Variants in CASK observed in about 807,000 individuals in gnomAD.
CASK encodes peripheral plasma membrane protein CASK.
Under a neutral mutation model 82.9 loss-of-function variants are expected in CASK, and 4 were observed. The observed-to-expected ratio is 0.05, with a 90% CI of 0.02 to 0.11. The LOEUF (loss-of-function observed/expected upper bound fraction) is 0.11. Among genes scored for constraint, CASK ranks in the 10% least tolerant of loss-of-function variants. The pLI, the probability that CASK is intolerant of heterozygous loss-of-function variation, is 1.00. For missense variants in CASK, 358 were observed against 720.9 expected (o/e 0.50, Z 5.76); for synonymous variants, 259 against 253.5 (o/e 1.02, Z -0.20).
intron 12 of CASK, among the ~76,000 whole-genome samples, chrX:41,603,516 A>G (rs961900228): frequency 6.2e-5 from 7 of 112,572 alleles, no homozygotes; most frequent in Non-Finnish European, 1.3e-4. Flanking sequence ...TCCAAGTATC[A>G]GTTAATTGCT....
chrX:41,620,040 C>T (rs1390556384), intron 11 of CASK, among the ~76,000 whole-genome samples: 2 of 112,502 alleles, frequency 1.8e-5, no homozygotes, highest in African/African-American at 6.4e-5. Context: ...ATGAAATACA[C>T]AAATCTTAAG....
intron 6 of CASK, chrX:41,665,725 T>C (rs1348047784): frequency 2.7e-6 from 1 of 365,386 alleles, no homozygotes; most frequent in African/African-American, 2.6e-5. Context: ...TAGGTATTTA[T>C]GTGGTTCTTA....
chrX:41,588,754 A>C (rs1316535240), intron 13 of CASK, among the ~76,000 whole-genome samples: 1 of 110,703 alleles, frequency 9.0e-6, no homozygotes, highest in Non-Finnish European at 1.9e-5. Flanking sequence ...AAAAAAAAAA[A>C]AACCCATGTG....
chrX:41,657,312 C>T (rs1179580268), intron 8 of CASK, among the ~76,000 whole-genome samples: 1 of 112,051 alleles, frequency 8.9e-6, no homozygotes, highest in East Asian at 2.8e-4. Flanking sequence ...TTTCTTAGCT[C>T]AATTATATCA....
chrX:41,838,544 T>TC (rs1406479054), intron 2 of CASK, among the ~76,000 whole-genome samples: 2 of 111,328 alleles, frequency 1.8e-5, no homozygotes, highest in African/African-American at 6.5e-5. Context: ...TCACCTGAGG[T>TC]CAGGAGTTTG....
At chrX:41,918,945 T>G (rs1378048897) in intron 1 of CASK, among the ~76,000 whole-genome samples, 1 of 112,321 alleles carries the variant, frequency 8.9e-6, no homozygotes, top group Non-Finnish European at 1.9e-5. Flanking sequence ...CGTTGATCTT[T>G]TTTAAAAGCT....
chrX:41,781,335 A>C (rs1353861471), intron 3 of CASK, among the ~76,000 whole-genome samples: 2 of 112,545 alleles, frequency 1.8e-5, no homozygotes, highest in Non-Finnish European at 3.8e-5. Context: ...AGTGTTGGTT[A>C]TACATAGTCT....
At chrX:41,560,295 G>A (rs922906572) in intron 17 of CASK, among the ~76,000 whole-genome samples, 1 of 109,918 alleles carries the variant, frequency 9.1e-6, no homozygotes, top group Non-Finnish European at 1.9e-5. Flanking sequence ...ACAGAGTCTC[G>A]CTCTGTCATC....
intron 24 of CASK, among the ~76,000 whole-genome samples, chrX:41,533,706 C>T (rs2064837190): frequency 8.9e-6 from 1 of 112,264 alleles, no homozygotes; most frequent in Non-Finnish European, 1.9e-5. Flanking sequence ...GTTGCCCAGG[C>T]TGGAGTGCAA....
intron 5 of CASK, among the ~76,000 whole-genome samples, chrX:41,719,501 T>C (rs2068124568): frequency 8.9e-6 from 1 of 112,172 alleles, no homozygotes; most frequent in African/African-American, 3.2e-5. Context: ...CTTAAAAGCG[T>C]TTGAAATGCT....
intron 14 of CASK, among the ~76,000 whole-genome samples, chrX:41,582,235 C>T (rs191178796): frequency 4.5e-5 from 5 of 112,234 alleles, no homozygotes; most frequent in Non-Finnish European, 7.5e-5. Flanking sequence ...TTCCTGCGTG[C>T]CATCACTTAG....
intron 1 of CASK, among the ~76,000 whole-genome samples, chrX:41,879,563 T>A (rs756146048): frequency 2.7e-5 from 3 of 111,656 alleles, no homozygotes; most frequent in Non-Finnish European, 5.7e-5. Flanking sequence ...AAACCTTGGA[T>A]AAGTGGGGAC....
At chrX:41,766,402 C>G (rs190770706) in intron 3 of CASK, among the ~76,000 whole-genome samples, 39 of 112,218 alleles carry the variant, frequency 3.5e-4, no homozygotes, top group African/African-American at 1.2e-3. Context: ...TATGTAATTT[C>G]TTTCTCACTT....
chrX:41,811,035 C>T (rs1385627874), intron 2 of CASK, among the ~76,000 whole-genome samples: 16 of 110,254 alleles, frequency 1.5e-4, no homozygotes, highest in Non-Finnish European at 1.7e-4. Context: ...GAGCTAACTA[C>T]CCTAAATATA....
At chrX:41,812,598 A>G (rs1309688852) in intron 2 of CASK, among the ~76,000 whole-genome samples, 1 of 111,585 alleles carries the variant, frequency 9.0e-6, no homozygotes, top group African/African-American at 3.3e-5. Flanking sequence ...TCTCAAAATA[A>G]TAAGAGCTAT....
At chrX:41,775,696 T>A (rs1240021835) in intron 3 of CASK, among the ~76,000 whole-genome samples, 1 of 105,377 alleles carries the variant, frequency 9.5e-6, no homozygotes, top group Non-Finnish European at 2.0e-5. Context: ...CATGGAATAC[T>A]ATGCAGCCAT....
intron 8 of CASK, among the ~76,000 whole-genome samples, chrX:41,645,188 C>T: frequency 1.8e-5 from 2 of 111,344 alleles, no homozygotes; most frequent in Middle Eastern, 9.3e-3. Flanking sequence ...TTTAAAAACC[C>T]AATTGTCCCA....
At chrX:41,590,782 CT>C (rs1197770841) in intron 12 of CASK, among the ~76,000 whole-genome samples, 4 of 106,831 alleles carry the variant, frequency 3.7e-5, no homozygotes, top group East Asian at 5.8e-4. Context: ...CGGTTTTATT[CT>C]TTTTTTTTTC....
intron 8 of CASK, among the ~76,000 whole-genome samples, chrX:41,656,860 A>G (rs888659893): frequency 9.0e-6 from 1 of 111,293 alleles, no homozygotes; most frequent in Non-Finnish European, 1.9e-5. Context: ...CTCCCTATGC[A>G]GTGGTTCTAG....
Sources: allele counts gnomAD v4.1 joint callset (sites outside exome capture counted in the v4.1 genomes callset), GRCh38; gene constraint gnomAD v4.1.1; transcripts MANE v1.5; gene names NCBI Gene and HGNC (gene_info 2026-07-23, HGNC 2026-07-21).